AVEN: variants seen among roughly 807,000 people sequenced by gnomAD.
AVEN encodes cell death regulator Aven.
Under a neutral mutation model 38.1 loss-of-function variants are expected in AVEN, and 41 were observed. That is an observed-to-expected ratio of 1.08 (90% CI 0.84 to 1.40). The LOEUF (loss-of-function observed/expected upper bound fraction) is 1.40, where lower values mean the gene tolerates loss of function less well. AVEN is among the 40% of genes most tolerant of loss of function. AVEN has a pLI of 0.00. For synonymous variants in AVEN, 206 were observed against 171.8 expected (o/e 1.20, Z -1.56); for missense variants, 605 against 438.8 (o/e 1.38, Z -3.38).
chr15:33,984,594 G>C (rs1896340718), intron 2 of AVEN, among the ~76,000 whole-genome samples: 1 of 152,022 alleles, frequency 6.6e-6, no homozygotes, highest in Non-Finnish European at 1.5e-5. Context: ...TAGAGACAGG[G>C]TTTCTCCATG....
Position 34,003,161 on chromosome 15 carries a change from G to C in AVEN, c.316C>G (p.Gln106Glu). 6.2e-7 allele frequency: 1 copy of C among 1,613,668 alleles called. No individual in the cohort carries two copies. The highest frequency in any genetic ancestry group is 1.1e-5 in the South Asian group (1 of 91,070). Residue 106 changes from glutamine (Q) to glutamate (E), a missense_variant, in exon 2 of 6, where the codon CAG becomes GAG. Physicochemically the swap from Gln to Glu is conservative, Grantham distance 29. Coordinates refer to ENST00000306730, the MANE Select transcript of AVEN (RefSeq NM_020371.3). Reference protein sequence around the residue: ...AETYGEENDEQGNYSKRKIVS... With the variant: ...AETYGEENDEEGNYSKRKIVS... ...ATCTTTCTTTTAGAATAATTTCCCTGTTCATCATTCTCTTCTCCATAGGTC... is the reference window on the plus strand; with the variant it reads ...ATCTTTCTTTTAGAATAATTTCCCTCTTCATCATTCTCTTCTCCATAGGTC...
At position 34,063,080 on chromosome 15, in the gene AVEN, T is replaced by C. The variant is rs1176540356; in HGVS notation, n.1479A>G. On this transcript the variant is annotated non_coding_transcript_exon_variant, in exon 5 of 12. Transcript: ENST00000675287. The surrounding 1 kb of genome is among the most constrained non-coding windows in gnomAD (Gnocchi z 4.1). The stretch of plus-strand genomic sequence containing the variant: ...CCAGCAACGCTTCTGTCATGAACCT[T>C]CTGGTGATCAGTTTTGACCGTTACT... The C allele has an allele frequency of 6.2e-7, 1 of 1,614,198 alleles. No individual in the cohort carries two copies. The highest frequency in any genetic ancestry group is 1.1e-5 in the South Asian group (1 of 91,074).
chr15:33,877,651 C>T (rs1891301943), intron 2 of AVEN, among the ~76,000 whole-genome samples: 1 of 152,090 alleles, frequency 6.6e-6, no homozygotes, highest in Admixed American at 6.6e-5. Flanking sequence ...CTCATCTCTA[C>T]TAGAAATACA....
intron 2 of AVEN, among the ~76,000 whole-genome samples, chr15:33,930,518 G>T (rs1893801450): frequency 6.6e-6 from 1 of 152,112 alleles, no homozygotes; most frequent in African/African-American, 2.4e-5. Flanking sequence ...CAAAGACATG[G>T]AGCTAAATAA....
intron 1 of AVEN, among the ~76,000 whole-genome samples, chr15:34,006,458 GTATAAAACC>G (rs1416099264): frequency 6.6e-6 from 1 of 152,316 alleles, no homozygotes; most frequent in African/African-American, 2.4e-5. Flanking sequence ...TCTCCAGTCA[GTATAAAACC>G]TATAAAACCT....
At chr15:33,871,091 AAAG>A (rs1890928384) in intron 3 of AVEN, 61 bp from the exon 4 acceptor site, 2 of 1,118,580 alleles carry the variant, frequency 1.8e-6, no homozygotes, top group Middle Eastern at 3.3e-4. Flanking sequence ...TTTGGAAATA[AAAG>A]AAGAAACTGT....
At chr15:34,045,221 C>T (rs1899642055) in intron 5 of AVEN, among the ~76,000 whole-genome samples, 2 of 152,024 alleles carry the variant, frequency 1.3e-5, no homozygotes, top group African/African-American at 4.8e-5. Context: ...TTTTATATGC[C>T]CCACAGCAGC....
intron 1 of AVEN, among the ~76,000 whole-genome samples, chr15:34,072,891 C>T (rs1038907975): frequency 1.3e-5 from 2 of 151,976 alleles, no homozygotes; most frequent in Non-Finnish European, 2.9e-5. Flanking sequence ...CCTTTTGATC[C>T]GCCTGCCTTG....
intron 2 of AVEN, 112 bp downstream of exon 2, chr15:34,002,920 C>A: frequency 9.7e-7 from 1 of 1,033,796 alleles, no homozygotes; most frequent in South Asian, 1.9e-5. Flanking sequence ...ATTAAAAATC[C>A]AAAGAACAAA....
At chr15:34,062,607 T>C in intron 5 of AVEN, 1 of 880,348 alleles carries the variant, frequency 1.1e-6, no homozygotes, top group Non-Finnish European at 1.7e-6. Context: ...AAAATCATGC[T>C]GGTGTGCGAA....
chr15:33,966,136 C>G (rs940765149), intron 2 of AVEN, among the ~76,000 whole-genome samples: 1 of 152,076 alleles, frequency 6.6e-6, no homozygotes, highest in Admixed American at 6.6e-5. Flanking sequence ...TATTCCAGTT[C>G]CCTCTATAAC....
At chr15:34,016,052 G>A (rs60163404) in intron 1 of AVEN, among the ~76,000 whole-genome samples, 8,135 of 152,180 alleles carry the variant, frequency 0.053, 720 homozygotes, top group African/African-American at 0.18. Flanking sequence ...CAAGGTGGGC[G>A]GATCGCCTGA....
intron 2 of AVEN, among the ~76,000 whole-genome samples, chr15:33,975,030 T>C (rs898590593): frequency 2.0e-5 from 3 of 152,160 alleles, no homozygotes; most frequent in Non-Finnish European, 4.4e-5. Context: ...TTTTTAGCCA[T>C]GTTCCTTCTT....
At chr15:34,053,532 A>G (rs1218248950) in intron 5 of AVEN, among the ~76,000 whole-genome samples, 1 of 151,880 alleles carries the variant, frequency 6.6e-6, no homozygotes. Context: ...CTACACATCT[A>G]CAAACATCTG....
intron 2 of AVEN, among the ~76,000 whole-genome samples, chr15:33,999,945 C>T (rs536206402): frequency 3.3e-5 from 5 of 152,342 alleles, no homozygotes; most frequent in East Asian, 3.9e-4. Context: ...TACAATACTA[C>T]GCGATCTGGC....
chr15:33,961,584 T>G (rs375647117), intron 2 of AVEN, among the ~76,000 whole-genome samples: 1 of 151,640 alleles, frequency 6.6e-6, no homozygotes. Context: ...GAGGCCAAGG[T>G]GGGCGAATCA....
chr15:33,954,332 A>G (rs374920852), intron 2 of AVEN, among the ~76,000 whole-genome samples: 3 of 152,136 alleles, frequency 2.0e-5, no homozygotes, highest in Non-Finnish European at 2.9e-5. Flanking sequence ...AAATCATGCT[A>G]CTATAAAGAC....
At chr15:33,908,000 C>A (rs1293847788) in intron 2 of AVEN, among the ~76,000 whole-genome samples, 3 of 152,096 alleles carry the variant, frequency 2.0e-5, no homozygotes, top group African/African-American at 7.2e-5. Context: ...AATGACAATG[C>A]AGGAGAAATA....
chr15:33,928,739 G>C (rs180837511), intron 2 of AVEN, among the ~76,000 whole-genome samples: 107 of 152,336 alleles, frequency 7.0e-4, no homozygotes, highest in Admixed American at 2.9e-3. Context: ...CAAGTACCAA[G>C]AGTCACAGAG....
Sources: allele counts gnomAD v4.1 joint callset (sites outside exome capture counted in the v4.1 genomes callset), GRCh38; gene constraint gnomAD v4.1.1; non-coding constraint Gnocchi (gnomAD v3.1); transcripts MANE v1.5; gene names NCBI Gene and HGNC (gene_info 2026-07-23, HGNC 2026-07-21).